Variants in PCDH11X observed in about 807,000 individuals in gnomAD.
The protein encoded by PCDH11X is protocadherin-11 X-linked.
A neutral mutation model predicts 53.3 loss-of-function variants in PCDH11X; 18 were observed. The ratio of observed to expected loss-of-function variants is 0.34; its 90% confidence interval spans 0.23 to 0.50. The LOEUF is 0.50. Among genes scored for constraint, PCDH11X ranks in the 20% least tolerant of loss-of-function variants. PCDH11X has a pLI of 0.98. For missense variants in PCDH11X, 570 were observed against 1,032.4 expected, an observed-to-expected ratio of 0.55 and a Z score of 6.14; for synonymous variants, 279 against 393.3, an observed-to-expected ratio of 0.71 and a Z score of 3.44.
chrX:92,114,501 G>T, intron 6 of PCDH11X: 2 of 481,638 alleles, frequency 4.2e-6, no homozygotes, highest in Admixed American at 3.4e-5. Context: ...TTTCTATATT[G>T]TGGCTTTGAT....
At chrX:92,059,545 C>A (rs1368644497) in intron 6 of PCDH11X, among the ~76,000 whole-genome samples, 1 of 110,114 alleles carries the variant, frequency 9.1e-6, no homozygotes, top group Non-Finnish European at 1.9e-5. Flanking sequence ...ATATGAAGCC[C>A]CAATGGTGAG....
rs762170590 is a variant in PCDH11X at position 92,241,564 on chromosome X, C to T, written c.3115-21550C>T. ...TTGTCCCTTGTCATTTCTTTAAAGC[C>T]CCGAGCATGAAAAACAAAATCTAAT... On this transcript the variant is annotated intron_variant, in intron 7 of 10. Transcript: ENST00000682573. Among the ~76,000 whole-genome samples the T allele has an allele frequency of 7.2e-5, 8 of 110,921 alleles. No individual in the cohort carries two copies. The East Asian group carries it at 2.3e-3, about 32-fold the overall frequency.
At position 91,978,571 on chromosome X, in the gene PCDH11X, G is replaced by A. The variant is rs139644153; in HGVS notation, c.3033+99298G>A. Among the ~76,000 whole-genome samples, 854 of 110,336 alleles carry A rather than the reference G, an allele frequency of 7.7e-3. 6 individuals carry two copies. The highest frequency in any genetic ancestry group is 0.024 in the Middle Eastern group (5 of 212). On this transcript the variant is annotated intron_variant, in intron 6 of 10. Transcript: ENST00000682573. ...TCGGGCACATAATAGGTGCACAAGG[G>A]ATGTTTCTTGAATAGGTGAAAGAGG...
chrX:92,493,350 T>C (rs1439094523), intron 10 of PCDH11X, among the ~76,000 whole-genome samples: 1 of 111,244 alleles, frequency 9.0e-6, no homozygotes, highest in Non-Finnish European at 1.9e-5. Context: ...ACACATAAAA[T>C]TTAAGAAGGT....
chrX:92,546,899 A>T (rs1439196462), intron 10 of PCDH11X, among the ~76,000 whole-genome samples: 3 of 111,803 alleles, frequency 2.7e-5, no homozygotes, highest in Non-Finnish European at 5.6e-5. Context: ...GTCAGCACTC[A>T]ATTATTATAT....
At chrX:92,214,743 G>C (rs1377052813) in intron 7 of PCDH11X, among the ~76,000 whole-genome samples, 1 of 111,501 alleles carries the variant, frequency 9.0e-6, no homozygotes, top group East Asian at 2.8e-4. Context: ...TAGTGAGACT[G>C]GGCCTGTTAA....
chrX:92,055,320 C>A (rs766320209), intron 6 of PCDH11X, among the ~76,000 whole-genome samples: 1 of 56,813 alleles, frequency 1.8e-5, no homozygotes. Flanking sequence ...AATTTAAGAA[C>A]CATCCAATGG....
At chrX:92,484,382 C>T (rs2073597451) in intron 10 of PCDH11X, among the ~76,000 whole-genome samples, 2 of 103,330 alleles carry the variant, frequency 1.9e-5, no homozygotes, top group Admixed American at 2.2e-4. Flanking sequence ...TACTGTTTCT[C>T]AAAGGGGTTG....
chrX:91,798,457 C>T (rs1282449954), intron 1 of PCDH11X, among the ~76,000 whole-genome samples: 4 of 110,136 alleles, frequency 3.6e-5, no homozygotes, highest in Middle Eastern at 4.7e-3. Flanking sequence ...GGCATGATGG[C>T]GGGCGCCTGT....
intron 5 of PCDH11X, among the ~76,000 whole-genome samples, chrX:91,839,184 C>T (rs1937412992): frequency 9.1e-6 from 1 of 110,262 alleles, no homozygotes; most frequent in South Asian, 3.8e-4. Context: ...TGCTTATCAT[C>T]ATATGACTGG....
intron 7 of PCDH11X, among the ~76,000 whole-genome samples, chrX:92,214,090 T>G (rs1423217948): frequency 9.0e-6 from 1 of 111,540 alleles, no homozygotes; most frequent in Non-Finnish European, 1.9e-5. Context: ...AGCTCATCAC[T>G]TGGCTTATCA....
rs1041294229 is a variant in PCDH11X, at chrX:91,987,836, CA to C, written c.3033+108572del. Among the ~76,000 whole-genome samples, 70 of 103,189 alleles carry C rather than the reference CA, an allele frequency of 6.8e-4. 1 individual carries two copies. The highest frequency in any genetic ancestry group is 1.8e-3 in the East Asian group (6 of 3,288). 89.6% of individuals were successfully genotyped at this position (103,189 alleles called of 115,157 possible). ...CATTTTGAAAGACCCAATGGTCTTTCAAAAAAAAATGGTCTATTAAAAAACT... is the reference window on the plus strand; with the variant it reads ...CATTTTGAAAGACCCAATGGTCTTTCAAAAAAAATGGTCTATTAAAAAACT... On this transcript the variant is annotated intron_variant, in intron 6 of 10. Coordinates refer to ENST00000682573, the MANE Select transcript of PCDH11X (RefSeq NM_032968.5).
intron 4 of PCDH11X, among the ~76,000 whole-genome samples, chrX:91,833,462 T>C (rs1303760879): frequency 9.0e-6 from 1 of 110,528 alleles, no homozygotes; most frequent in Non-Finnish European, 1.9e-5. Flanking sequence ...ATGCTAAAAA[T>C]ACTATACCAC....
Position 91,899,230 on chromosome X carries a change from C to T in PCDH11X, c.3033+19957C>T, listed in dbSNP as rs555169799. ...CAACCTTCAGTCTGTGGTCGAAGGTCCAAGAGTCCAAAAGCTGAAGAACTT... is the reference window on the plus strand; with the variant it reads ...CAACCTTCAGTCTGTGGTCGAAGGTTCAAGAGTCCAAAAGCTGAAGAACTT... On this transcript the variant is annotated intron_variant, in intron 6 of 10. Coordinates refer to ENST00000682573, the MANE Select transcript of PCDH11X (RefSeq NM_032968.5). 1.1e-3 allele frequency among the ~76,000 whole-genome samples: 121 copies of T among 110,754 alleles called. 3 individuals are homozygous for T. In the South Asian group the frequency reaches 0.048, roughly 44 times the overall value.
At chrX:92,579,355 C>T (rs1444222286) in intron 10 of PCDH11X, among the ~76,000 whole-genome samples, 1 of 108,352 alleles carries the variant, frequency 9.2e-6, no homozygotes, top group Non-Finnish European at 1.9e-5. Flanking sequence ...AACTTGATTC[C>T]ATTTCCCTCC....
At chrX:91,976,927 T>C (rs1569288210) in intron 6 of PCDH11X, among the ~76,000 whole-genome samples, 1 of 111,288 alleles carries the variant, frequency 9.0e-6, no homozygotes, top group Non-Finnish European at 1.9e-5. Context: ...AGAAAAGCCA[T>C]ATTAATGCTC....
chrX:92,118,758 T>G lies in PCDH11X; in HGVS notation c.3034-82617T>G, dbSNP rs77792907. Among the ~76,000 whole-genome samples the G allele has an allele frequency of 1.6e-4, 14 of 89,329 alleles. No homozygotes were observed. The East Asian group carries it at 5.4e-3, about 34-fold the overall frequency. The allele number at this position is 89,329 out of a possible 115,157, so 77.6% of individuals were successfully genotyped here. ...TTTTTTTTTTTTTTTTTTTTTTTTT[T>G]TGAGACGGAGTCTTGCTCTGTCACC... On this transcript the variant is annotated intron_variant, in intron 6 of 10. Coordinates refer to ENST00000682573, the MANE Select transcript of PCDH11X (RefSeq NM_032968.5).
intron 6 of PCDH11X, among the ~76,000 whole-genome samples, chrX:92,058,636 ATAT>A (rs2063485618): frequency 9.0e-6 from 1 of 111,606 alleles, no homozygotes; most frequent in Non-Finnish European, 1.9e-5. Context: ...TGCTCATAAA[ATAT>A]TATTAAAAAT....
intron 10 of PCDH11X, among the ~76,000 whole-genome samples, chrX:92,481,345 G>A (rs966725739): frequency 9.0e-6 from 1 of 110,661 alleles, no homozygotes; most frequent in Non-Finnish European, 1.9e-5. Flanking sequence ...GAGGGGACAC[G>A]GAATGCAAAA....
Sources: allele counts gnomAD v4.1 joint callset (sites outside exome capture counted in the v4.1 genomes callset), GRCh38; gene constraint gnomAD v4.1.1; transcripts MANE v1.5; gene names NCBI Gene and HGNC (gene_info 2026-07-23, HGNC 2026-07-21).